Variants in ITGBL1 observed in about 807,000 individuals in gnomAD.
The protein encoded by ITGBL1 is integrin subunit beta like 1.
In ITGBL1, 51 loss-of-function variants were observed where a neutral mutation model predicts 68.5. The ratio of observed to expected loss-of-function variants is 0.74; its 90% CI spans 0.59 to 0.94. The LOEUF (loss-of-function observed/expected upper bound fraction) is 0.94. ITGBL1 is among the 40% of genes least tolerant of loss of function. ITGBL1 has a pLI of 0.00. For missense variants in ITGBL1, 649 were observed against 647.4 expected (o/e 1.00, Z -0.03); for synonymous variants, 209 against 227.3 (o/e 0.92, Z 0.72).
chr13:101,494,440 GAA>G (rs989417536), intron 2 of ITGBL1, among the ~76,000 whole-genome samples: 1 of 152,068 alleles, frequency 6.6e-6, no homozygotes, highest in African/African-American at 2.4e-5. Context: ...ACTGTAGTCA[GAA>G]AAAAACTATT....
chr13:101,534,158 G>A (rs1012221864), intron 2 of ITGBL1, among the ~76,000 whole-genome samples: 5 of 152,104 alleles, frequency 3.3e-5, no homozygotes, highest in African/African-American at 1.2e-4. Context: ...CATTGTCAAC[G>A]TTGAAAAGAA....
intron 7 of ITGBL1, among the ~76,000 whole-genome samples, chr13:101,645,850 A>T (rs1280969770): frequency 6.6e-6 from 1 of 152,166 alleles, no homozygotes; most frequent in Non-Finnish European, 1.5e-5. Flanking sequence ...GTGTTCTGGG[A>T]TAATTTATTT....
chr13:101,547,995 G>A (rs2049856939), intron 2 of ITGBL1, among the ~76,000 whole-genome samples: 3 of 151,236 alleles, frequency 2.0e-5, no homozygotes. Context: ...CTCTAAAAAG[G>A]TTTATTAACC....
At chr13:101,578,984 C>A (rs777466971) in intron 4 of ITGBL1, among the ~76,000 whole-genome samples, 3 of 152,138 alleles carry the variant, frequency 2.0e-5, no homozygotes, top group Non-Finnish European at 4.4e-5. Flanking sequence ...TTGATGTGTG[C>A]ATTTGAGATG....
intron 9 of ITGBL1, chr13:101,710,896 G>T (rs2034434800): frequency 6.6e-6 from 1 of 152,180 alleles, no homozygotes; most frequent in African/African-American, 2.4e-5. Flanking sequence ...ATACATTCTT[G>T]TGACCTTCAT....
At chr13:101,527,796 A>C (rs947881217) in intron 2 of ITGBL1, among the ~76,000 whole-genome samples, 1 of 151,972 alleles carries the variant, frequency 6.6e-6, no homozygotes, top group South Asian at 2.1e-4. Flanking sequence ...GAATATTTTC[A>C]TATGGTTATT....
intron 6 of ITGBL1, among the ~76,000 whole-genome samples, chr13:101,592,454 A>T (rs779220798): frequency 6.6e-6 from 1 of 152,164 alleles, no homozygotes; most frequent in Non-Finnish European, 1.5e-5. Context: ...TTAACCAAGG[A>T]TGTGAAAGAT....
intron 7 of ITGBL1, among the ~76,000 whole-genome samples, chr13:101,684,740 A>G (rs1441988394): frequency 1.3e-5 from 2 of 151,924 alleles, no homozygotes; most frequent in African/African-American, 4.8e-5. Flanking sequence ...TGTTGGATAG[A>G]ACTAAAAGAT....
chr13:101,682,897 A>G (rs1264881383), intron 7 of ITGBL1, among the ~76,000 whole-genome samples: 1 of 152,040 alleles, frequency 6.6e-6, no homozygotes, highest in Admixed American at 6.6e-5. Context: ...AGTGTTATGA[A>G]AACTCTCACC....
chr13:101,570,852 G>A (rs1207249427), intron 3 of ITGBL1, among the ~76,000 whole-genome samples: 3 of 152,238 alleles, frequency 2.0e-5, no homozygotes, highest in Non-Finnish European at 2.9e-5. Context: ...CTTAAGCTAA[G>A]TTTCACTTAT....
intron 8 of ITGBL1, among the ~76,000 whole-genome samples, chr13:101,698,830 T>C (rs143359384): frequency 6.6e-5 from 10 of 152,358 alleles, no homozygotes; most frequent in African/African-American, 2.4e-4. Flanking sequence ...TTCCCTCCTG[T>C]GTGCCATATA....
At chr13:101,651,661 G>T (rs979999536) in intron 7 of ITGBL1, among the ~76,000 whole-genome samples, 6 of 152,094 alleles carry the variant, frequency 3.9e-5, no homozygotes, top group Non-Finnish European at 8.8e-5. Context: ...CTGTCCAGAT[G>T]CTCTTTAGTG....
intron 7 of ITGBL1, among the ~76,000 whole-genome samples, chr13:101,670,685 C>T (rs147261416): frequency 1.3e-3 from 199 of 152,262 alleles, no homozygotes; most frequent in African/African-American, 4.4e-3. Context: ...GTCTTTTTGA[C>T]TTCAAATTAA....
chr13:101,486,220 T>C (rs758111050), intron 2 of ITGBL1, among the ~76,000 whole-genome samples: 17 of 152,206 alleles, frequency 1.1e-4, no homozygotes, highest in Non-Finnish European at 2.1e-4. Flanking sequence ...GGGCCATTAT[T>C]CTAAGTGAAG....
chr13:101,529,389 T>A (rs1232814795), intron 2 of ITGBL1, among the ~76,000 whole-genome samples: 1 of 152,120 alleles, frequency 6.6e-6, no homozygotes, highest in East Asian at 1.9e-4. Flanking sequence ...AATGCCACAT[T>A]GACCAGAATT....
At chr13:101,690,042 A>C (rs77596777) in intron 7 of ITGBL1, among the ~76,000 whole-genome samples, 1 of 152,158 alleles carries the variant, frequency 6.6e-6, no homozygotes, top group Non-Finnish European at 1.5e-5. Context: ...TTACATGCAA[A>C]AGGTTAATTC....
chr13:101,473,908 G>A (rs1237974653), intron 2 of ITGBL1, among the ~76,000 whole-genome samples: 1 of 152,176 alleles, frequency 6.6e-6, no homozygotes, highest in African/African-American at 2.4e-5. Flanking sequence ...TGGCTAAAGA[G>A]CACCTGGGTT....
Position 101,645,533 on chromosome 13 carries a change from TTA to T in ITGBL1, c.1016-47048_1016-47047del, listed in dbSNP as rs2032530551. 3.3e-5 allele frequency among the ~76,000 whole-genome samples: 5 copies of T among 152,270 alleles called. No homozygotes were observed. In the South Asian group the frequency reaches 1.0e-3, roughly 32 times the overall value. On this transcript the variant is annotated intron_variant, in intron 7 of 10. Transcript: ENST00000376180. ...TTGTCTCTAAGAAACAAGGGGGTCA[TTA>T]TATTGTATAGGCAACTAGCATTCTC...
chr13:101,580,303 G>C (rs1330856403), intron 5 of ITGBL1, among the ~76,000 whole-genome samples: 1 of 152,062 alleles, frequency 6.6e-6, no homozygotes, highest in Non-Finnish European at 1.5e-5. Context: ...TTGACATAGA[G>C]GAGTAAAATG....
Sources: allele counts gnomAD v4.1 joint callset (sites outside exome capture counted in the v4.1 genomes callset), GRCh38; gene constraint gnomAD v4.1.1; transcripts MANE v1.5; gene names NCBI Gene and HGNC (gene_info 2026-07-23, HGNC 2026-07-21).